KCNU1: variants seen among roughly 807,000 people sequenced by gnomAD.
KCNU1 encodes potassium calcium-activated channel subfamily U member 1, also known as potassium channel subfamily U member 1.
Under a neutral mutation model 126.8 loss-of-function variants are expected in KCNU1, and 93 were observed. The ratio of observed to expected loss-of-function variants is 0.73; its 90% CI spans 0.62 to 0.87. The LOEUF is 0.87. Among genes scored for constraint, KCNU1 ranks in the 40% least tolerant of loss-of-function variants. The pLI, the probability that KCNU1 is intolerant of heterozygous loss-of-function variation, is 0.00. For synonymous variants in KCNU1, 523 were observed against 494.2 expected, an observed-to-expected ratio of 1.06 and a Z score of -0.77; for missense variants, 1,330 against 1,367.1, an observed-to-expected ratio of 0.97 and a Z score of 0.43.
rs201366010 is a variant in KCNU1 at position 36,922,526 on chromosome 8, G to C, written c.2633G>C (p.Gly878Ala). The change falls in exon 24 of 27, where the codon GGT becomes GCT. Residue 878 changes from glycine to alanine, a missense_variant. Physicochemically the swap from Gly to Ala is moderately conservative, Grantham distance 60. This residue lies in a region of KCNU1 where 1,054 missense variants were observed against 1,053.9 expected (regional missense o/e 1.00). Transcript: ENST00000399881. ...AACATTCACTTTATTGAACAGCTTG[G>C]TGGACTGGAAGGGTCCCTCCAAGAA... ...PSNIHFIEQL[G>A]GLEGSLQETN... 4.7e-5 allele frequency: 76 copies of C among 1,613,360 alleles called. No homozygotes were observed. Among genetic ancestry groups the C allele is most frequent in the Admixed American group, 4.7e-4 (28 of 59,922 alleles).
At chr8:36,887,817 T>G (rs1308440677) in intron 19 of KCNU1, among the ~76,000 whole-genome samples, 1 of 152,212 alleles carries the variant, frequency 6.6e-6, no homozygotes, top group African/African-American at 2.4e-5. Context: ...GGTACATGAC[T>G]TAACCCTTGC....
intron 18 of KCNU1, among the ~76,000 whole-genome samples, chr8:36,850,719 A>T (rs1378145900): frequency 6.6e-6 from 1 of 152,186 alleles, no homozygotes; most frequent in African/African-American, 2.4e-5. Flanking sequence ...AATCTCCGAA[A>T]GTGCTGGGAT....
Position 36,935,967 on chromosome 8 carries a change from A to G in KCNU1, c.*47A>G. On this transcript the variant is annotated 3_prime_UTR_variant, in exon 27 of 27. Transcript: ENST00000399881. Reference sequence around the variant, plus strand: ...GCTCTTAACTTGCTGCTTACAAATCATCTCCTGAGATGCTAACTTTGAACA... The same window carrying G: ...GCTCTTAACTTGCTGCTTACAAATCGTCTCCTGAGATGCTAACTTTGAACA... 6.9e-7 allele frequency: 1 copy of G among 1,445,696 alleles called. No homozygotes were observed. Among genetic ancestry groups the G allele is most frequent in the South Asian group, 1.4e-5 (1 of 69,886 alleles). 89.6% of individuals were successfully genotyped at this position (1,445,696 alleles called of 1,614,324 possible). A position where few individuals can be genotyped will look rare whatever the true frequency, so the allele number is the denominator to read the frequency against.
At chr8:36,826,076 T>C (rs1804308760) in intron 10 of KCNU1, among the ~76,000 whole-genome samples, 1 of 152,032 alleles carries the variant, frequency 6.6e-6, no homozygotes, top group Admixed American at 6.6e-5. Flanking sequence ...AATTATTTCT[T>C]CAAATGTTGC....
At chr8:36,874,071 T>A (rs1175989217) in intron 19 of KCNU1, among the ~76,000 whole-genome samples, 2 of 152,182 alleles carry the variant, frequency 1.3e-5, no homozygotes, top group Non-Finnish European at 2.9e-5. Flanking sequence ...TATTTATTTT[T>A]TTCCCTAGAT....
Position 36,784,385 on chromosome 8 carries a change from C to CAA in KCNU1, c.-25_-24dup. The CAA allele has an allele frequency of 6.3e-7, 1 of 1,580,200 alleles. No individual in the cohort carries two copies. The highest frequency in any genetic ancestry group is 8.6e-7 in the Non-Finnish European group (1 of 1,158,938). On this transcript the variant is annotated 5_prime_UTR_variant, in exon 1 of 27. An upstream open reading frame in the 5' UTR gains an earlier in-frame stop. Coordinates refer to ENST00000399881, the MANE Select transcript of KCNU1 (RefSeq NM_001031836.3). Reference sequence around the variant, plus strand: ...ACCACGGCGTCATCAAATGACCTGGCAATTCCGTCTACTGATGTCTCGAAC... The same window carrying CAA: ...ACCACGGCGTCATCAAATGACCTGGCAAAATTCCGTCTACTGATGTCTCGAAC...
chr8:36,808,167 C>G (rs1243607746), intron 6 of KCNU1, among the ~76,000 whole-genome samples: 1 of 152,118 alleles, frequency 6.6e-6, no homozygotes, highest in African/African-American at 2.4e-5. Context: ...CCAGAGAGAT[C>G]TCAGCTAAGC....
intron 19 of KCNU1, among the ~76,000 whole-genome samples, chr8:36,882,435 C>A (rs182427583): frequency 3.9e-5 from 6 of 152,270 alleles, no homozygotes; most frequent in Admixed American, 3.9e-4. Flanking sequence ...GTATGCAGAG[C>A]TAGAATTTCT....
intron 9 of KCNU1, among the ~76,000 whole-genome samples, 159 bp downstream of exon 9, chr8:36,815,846 C>T (rs1003587993): frequency 9.9e-5 from 15 of 152,056 alleles, no homozygotes; most frequent in Middle Eastern, 3.2e-3. Flanking sequence ...AACTAAATAC[C>T]GTAAGAAAAT....
chr8:36,793,632 A>G (rs1802983509), intron 2 of KCNU1, among the ~76,000 whole-genome samples: 1 of 152,172 alleles, frequency 6.6e-6, no homozygotes, highest in Admixed American at 6.5e-5. Context: ...TGGAAACAAT[A>G]TTTGTTAGGG....
chr8:36,935,947 T>A lies in KCNU1; in HGVS notation c.*27T>A. On this transcript the variant is annotated 3_prime_UTR_variant, in exon 27 of 27. Coordinates refer to ENST00000399881, the MANE Select transcript of KCNU1 (RefSeq NM_001031836.3). ...CCTGCCCATATTCTTCACGTGCTCT[T>A]AACTTGCTGCTTACAAATCATCTCC... 1 of 1,511,260 alleles carries A rather than the reference T, an allele frequency of 6.6e-7. No individual in the cohort carries two copies. Among genetic ancestry groups the A allele is most frequent in the Non-Finnish European group, 8.9e-7 (1 of 1,128,066 alleles). 93.6% of individuals were successfully genotyped at this position (1,511,260 alleles called of 1,614,324 possible).
At chr8:36,903,743 A>C (rs926168571) in intron 19 of KCNU1, among the ~76,000 whole-genome samples, 1 of 152,146 alleles carries the variant, frequency 6.6e-6, no homozygotes, top group Non-Finnish European at 1.5e-5. Context: ...TAAAGGAAAG[A>C]GGTTTGGTTG....
intron 19 of KCNU1, among the ~76,000 whole-genome samples, chr8:36,890,287 A>C (rs1806906921): frequency 6.6e-6 from 1 of 152,066 alleles, no homozygotes; most frequent in Admixed American, 6.6e-5. Flanking sequence ...ATAACTGTTT[A>C]AGGTATTAAT....
intron 19 of KCNU1, among the ~76,000 whole-genome samples, chr8:36,901,343 T>C (rs1044795632): frequency 2.6e-5 from 4 of 152,254 alleles, no homozygotes; most frequent in African/African-American, 9.6e-5. Flanking sequence ...GCACAGGGTT[T>C]ATTTATTTTT....
chr8:36,790,187 A>T (rs1421467937), intron 2 of KCNU1, among the ~76,000 whole-genome samples: 1 of 152,246 alleles, frequency 6.6e-6, no homozygotes, highest in Non-Finnish European at 1.5e-5. Context: ...ACAAAATTCA[A>T]CCATAACCTT....
intron 2 of KCNU1, among the ~76,000 whole-genome samples, chr8:36,796,268 T>C (rs1803094801): frequency 6.6e-6 from 1 of 152,328 alleles, no homozygotes; most frequent in Admixed American, 6.5e-5. Context: ...GTCAAAGCTT[T>C]TATGATTTCT....
At chr8:36,917,381 G>A (rs777495447) in intron 22 of KCNU1, among the ~76,000 whole-genome samples, 14 of 148,684 alleles carry the variant, frequency 9.4e-5, no homozygotes, top group Admixed American at 5.4e-4. Context: ...CTAGGATCTC[G>A]GTCTGTCACC....
intron 19 of KCNU1, among the ~76,000 whole-genome samples, chr8:36,870,725 C>T (rs993183402): frequency 2.0e-5 from 3 of 152,154 alleles, no homozygotes; most frequent in East Asian, 3.9e-4. Context: ...CAAGCATAGG[C>T]TTTCCTATTT....
intron 19 of KCNU1, among the ~76,000 whole-genome samples, chr8:36,884,913 C>T (rs1806635748): frequency 6.6e-6 from 1 of 152,146 alleles, no homozygotes; most frequent in East Asian, 1.9e-4. Context: ...CACTCCTGTC[C>T]TTACAATAAC....
Sources: gnomAD v4.1 joint callset for allele counts (sites outside exome capture counted in the v4.1 genomes callset) on GRCh38, gnomAD v4.1.1 for gene constraint, gnomAD v4.1.1 regional missense constraint, MANE v1.5 for transcripts, NCBI Gene and HGNC (gene_info 2026-07-23, HGNC 2026-07-21) for gene names.